ZNF618: variants seen among roughly 807,000 people sequenced by gnomAD.
ZNF618 encodes neural precursor cell expressed, developmentally down-regulated 10.
A neutral mutation model predicts 103.0 loss-of-function variants in ZNF618; 34 were observed. That is an observed-to-expected ratio of 0.33 (90% confidence interval 0.25 to 0.44). The LOEUF (loss-of-function observed/expected upper bound fraction) is 0.44, where lower values mean the gene tolerates loss of function less well. Ranked by LOEUF, ZNF618 falls within the 20% of genes least tolerant of loss-of-function variation. The pLI, the probability that ZNF618 is intolerant of heterozygous loss-of-function variation, is 1.00. For missense variants in ZNF618, 1,059 were observed against 1,295.4 expected, an observed-to-expected ratio of 0.82 and a Z score of 2.80; for synonymous variants, 551 against 542.2, an observed-to-expected ratio of 1.02 and a Z score of -0.23.
intron 1 of ZNF618, among the ~76,000 whole-genome samples, chr9:113,900,327 G>A (rs576117651): frequency 2.0e-5 from 3 of 152,180 alleles, no homozygotes; most frequent in African/African-American, 4.8e-5. Context: ...CTCCCAAAGT[G>A]CTGGGATTAC....
At chr9:113,949,630 C>T (rs74562786) in intron 1 of ZNF618, among the ~76,000 whole-genome samples, 1,952 of 152,312 alleles carry the variant, frequency 0.013, 43 homozygotes, top group African/African-American at 0.045. Flanking sequence ...GTATGCTCCC[C>T]GCTCCTCTCT....
rs925194031 is a variant in ZNF618, at chr9:113,887,646, T to G, written c.33+11233T>G. On this transcript the variant is annotated intron_variant, in intron 1 of 14. Transcript: ENST00000374126. The stretch of plus-strand genomic sequence containing the variant: ...AGGCTGCTAGAAGACCCAGAGGGCA[T>G]CCTTTTATAGTGGGCAGAGCTGGCA... Among the ~76,000 whole-genome samples the G allele has an allele frequency of 5.5e-4, 84 of 152,156 alleles. 1 individual carries two copies. Among genetic ancestry groups the G allele is most frequent in the Non-Finnish European group, 7.3e-5 (5 of 68,030 alleles).
chr9:113,965,301 A>G (rs1447760071), intron 1 of ZNF618, among the ~76,000 whole-genome samples: 2 of 152,172 alleles, frequency 1.3e-5, no homozygotes, highest in Non-Finnish European at 2.9e-5. Flanking sequence ...TTTAGAAATA[A>G]AATTTCTGGG....
chr9:113,974,457 A>G (rs1383693668), intron 2 of ZNF618, among the ~76,000 whole-genome samples: 1 of 152,200 alleles, frequency 6.6e-6, no homozygotes, highest in Non-Finnish European at 1.5e-5. Context: ...TTGAACAGAG[A>G]AGTGGCATAA....
intron 1 of ZNF618, among the ~76,000 whole-genome samples, chr9:113,902,438 T>C (rs1587986805): frequency 6.6e-6 from 1 of 152,200 alleles, no homozygotes; most frequent in East Asian, 1.9e-4. Context: ...CCTTTCTAGC[T>C]TTGTTTAGTT....
chr9:113,903,432 G>A (rs1486319773), intron 1 of ZNF618, among the ~76,000 whole-genome samples: 1 of 150,280 alleles, frequency 6.7e-6, no homozygotes, highest in Non-Finnish European at 1.5e-5. Flanking sequence ...TTAATAGGGT[G>A]TTCGCAAGGT....
rs186649779 is a variant in ZNF618 at position 114,011,158 on chromosome 9, A to T, written c.754+2604A>T. 1.1e-4 allele frequency among the ~76,000 whole-genome samples: 16 copies of T among 152,332 alleles called. No individual in the cohort carries two copies. In the East Asian group the frequency reaches 2.9e-3, roughly 28 times the overall value. On this transcript the variant is annotated intron_variant, in intron 9 of 14. Transcript: ENST00000374126. ...CTGCATGATGTCCTACCAGTTTTCT[A>T]ATCTGTCTAATCCATAGTTTCTCTA...
chr9:113,919,548 C>T (rs778263588), intron 1 of ZNF618, among the ~76,000 whole-genome samples: 74 of 152,258 alleles, frequency 4.9e-4, no homozygotes, highest in African/African-American at 1.8e-3. Context: ...ATGCCAGGAG[C>T]GAACTTGGCG....
intron 1 of ZNF618, among the ~76,000 whole-genome samples, chr9:113,967,305 A>G (rs1837506330): frequency 1.3e-5 from 2 of 152,258 alleles, no homozygotes; most frequent in African/African-American, 4.8e-5. Flanking sequence ...GATGTTGGAA[A>G]GAGGCTGTAA....
intron 1 of ZNF618, among the ~76,000 whole-genome samples, chr9:113,962,970 C>T (rs553321474): frequency 6.6e-6 from 1 of 152,304 alleles, no homozygotes; most frequent in South Asian, 2.1e-4. Context: ...GTAGAAGGAG[C>T]TTGATAAATG....
intron 1 of ZNF618, among the ~76,000 whole-genome samples, chr9:113,881,608 C>T (rs974677313): frequency 2.6e-5 from 4 of 152,180 alleles, no homozygotes; most frequent in Non-Finnish European, 5.9e-5. Flanking sequence ...CCACATTTCA[C>T]CTGTTCAGCA....
chr9:113,988,504 C>G lies in ZNF618; in HGVS notation c.261C>G (p.Val87=). The change falls in exon 3 of 15, where the codon GTC becomes GTG. Residue 87 remains valine (V), a synonymous_variant. Transcript: ENST00000374126. Reference sequence around the variant, plus strand: ...AGGCCAAGGAGGAGAAGAAGGCGGTCAGCAAGGATGGGACCAGCGACGTGC... The same window carrying G: ...AGGCCAAGGAGGAGAAGAAGGCGGTGAGCAAGGATGGGACCAGCGACGTGC... The part of the protein sequence containing the change: ...QGEAKEEKKA[V]SKDGTSDVPA... 1 of 1,613,220 alleles carries G rather than the reference C, an allele frequency of 6.2e-7. No homozygotes were observed. Among genetic ancestry groups the G allele is most frequent in the Non-Finnish European group, 8.5e-7 (1 of 1,179,854 alleles).
intron 1 of ZNF618, among the ~76,000 whole-genome samples, chr9:113,898,964 C>G (rs1196238600): frequency 6.6e-6 from 1 of 152,098 alleles, no homozygotes; most frequent in Non-Finnish European, 1.5e-5. Flanking sequence ...TAGGTCCTGT[C>G]ACCTTGGTTT....
In ZNF618 at chr9:114,050,317, T is replaced by C; in HGVS notation, c.*150T>C. The stretch of plus-strand genomic sequence containing the variant: ...TGGAAACTTAAGTGCTTTTTTTATA[T>C]GTGTGTGTGTGCGTGTATGTACACA... On this transcript the variant is annotated 3_prime_UTR_variant, in exon 15 of 15. Transcript: ENST00000374126. The C allele has an allele frequency of 1.2e-6, 1 of 835,214 alleles. No individual in the cohort carries two copies. Among genetic ancestry groups the C allele is most frequent in the Non-Finnish European group, 1.8e-6 (1 of 558,014 alleles). The allele number at this position is 835,214 out of a possible 1,614,324, so 51.7% of individuals were successfully genotyped here.
intron 1 of ZNF618, among the ~76,000 whole-genome samples, chr9:113,966,038 T>C (rs1378319584): frequency 2.6e-5 from 4 of 152,198 alleles, no homozygotes; most frequent in Admixed American, 6.5e-5. Context: ...GTTCATCTTA[T>C]ACATATCATT....
chr9:114,039,770 G>A (rs1474314991), intron 13 of ZNF618, among the ~76,000 whole-genome samples: 14 of 152,152 alleles, frequency 9.2e-5, no homozygotes, highest in East Asian at 1.9e-4. Flanking sequence ...CAGAGATGAC[G>A]GATGTAGAGT....
chr9:114,027,235 A>T (rs187777362), intron 10 of ZNF618, among the ~76,000 whole-genome samples: 1 of 152,200 alleles, frequency 6.6e-6, no homozygotes, highest in Non-Finnish European at 1.5e-5. Context: ...TTTGCCACCC[A>T]AGACTTCTCA....
chr9:113,888,403 G>C (rs921635726), intron 1 of ZNF618, among the ~76,000 whole-genome samples: 6 of 152,244 alleles, frequency 3.9e-5, no homozygotes, highest in Non-Finnish European at 7.3e-5. Flanking sequence ...GCAGACCAGC[G>C]GGTTTTGTGT....
At chr9:113,958,977 T>C (rs1197703053) in intron 1 of ZNF618, among the ~76,000 whole-genome samples, 1 of 152,190 alleles carries the variant, frequency 6.6e-6, no homozygotes, top group Non-Finnish European at 1.5e-5. Context: ...TTTGTAAATG[T>C]GAAATTTCTT....
Sources: gnomAD v4.1 joint callset for allele counts (sites outside exome capture counted in the v4.1 genomes callset) on GRCh38, gnomAD v4.1.1 for gene constraint, MANE v1.5 for transcripts, NCBI Gene and HGNC (gene_info 2026-07-23, HGNC 2026-07-21) for gene names.